The following ASTN2 variants were observed in gnomAD, a reference collection of about 807,000 sequenced individuals.
ASTN2 encodes astrotactin 2.
In ASTN2, 54 loss-of-function variants were observed where a neutral mutation model predicts 139.8. That is an observed-to-expected ratio of 0.39 (90% CI 0.31 to 0.48). The LOEUF (loss-of-function observed/expected upper bound fraction) is 0.48, where lower values mean the gene tolerates loss of function less well. Among genes scored for constraint, ASTN2 ranks in the 20% least tolerant of loss-of-function variants. The pLI, the probability that ASTN2 is intolerant of heterozygous loss-of-function variation, is 0.95. For missense variants in ASTN2, 1,565 were observed against 1,725.1 expected (o/e 0.91, Z 1.64); for synonymous variants, 756 against 719.5 (o/e 1.05, Z -0.81).
At chr9:116,636,085 G>A (rs982329484) in intron 17 of ASTN2, among the ~76,000 whole-genome samples, 1 of 152,180 alleles carries the variant, frequency 6.6e-6, no homozygotes, top group African/African-American at 2.4e-5. Flanking sequence ...TTTGCATGCT[G>A]AGACCACAAG....
chr9:117,113,652 G>C (rs547857004), intron 4 of ASTN2, among the ~76,000 whole-genome samples: 1 of 145,212 alleles, frequency 6.9e-6, no homozygotes, highest in Admixed American at 7.0e-5. Context: ...GCAAAACTTC[G>C]TCTCAAAAAA....
At chr9:117,034,250 T>C (rs769959716) in intron 6 of ASTN2, among the ~76,000 whole-genome samples, 7 of 152,204 alleles carry the variant, frequency 4.6e-5, no homozygotes, top group Non-Finnish European at 7.3e-5. Context: ...CCTCAGTAGA[T>C]GCATAAACTA....
chr9:117,347,041 T>C (rs765060263), intron 1 of ASTN2, among the ~76,000 whole-genome samples: 1 of 152,132 alleles, frequency 6.6e-6, no homozygotes, highest in African/African-American at 2.4e-5. Context: ...ATCCTGCTGC[T>C]TCTGCGGTGT....
chr9:116,749,490 A>C (rs186564742), intron 13 of ASTN2, among the ~76,000 whole-genome samples: 95 of 152,288 alleles, frequency 6.2e-4, no homozygotes, highest in African/African-American at 2.2e-3. Context: ...TAACTACAGA[A>C]CTTACCCACA....
chr9:117,370,627 T>G (rs535705603), intron 1 of ASTN2, among the ~76,000 whole-genome samples: 8 of 152,302 alleles, frequency 5.3e-5, no homozygotes, highest in Admixed American at 3.3e-4. Context: ...GTCAGAGTAA[T>G]TAAGTAATCT....
chr9:116,749,656 C>T (rs1037298282), intron 13 of ASTN2, among the ~76,000 whole-genome samples: 5 of 152,154 alleles, frequency 3.3e-5, no homozygotes, highest in Non-Finnish European at 7.3e-5. Flanking sequence ...GGATGTTTAT[C>T]CCCTCCAAAT....
intron 19 of ASTN2, among the ~76,000 whole-genome samples, chr9:116,534,183 T>C (rs1213716335): frequency 1.3e-5 from 2 of 152,206 alleles, no homozygotes; most frequent in Non-Finnish European, 2.9e-5. Flanking sequence ...TGGTAGTTTG[T>C]ATTTCTGTGG....
At chr9:116,989,147 C>T (rs780003931) in intron 7 of ASTN2, among the ~76,000 whole-genome samples, 1 of 151,480 alleles carries the variant, frequency 6.6e-6, no homozygotes, top group Non-Finnish European at 1.5e-5. Context: ...TTTTTTTTTC[C>T]AAGCAGCAGC....
At chr9:117,344,196 C>T (rs1829147013) in intron 1 of ASTN2, among the ~76,000 whole-genome samples, 2 of 151,996 alleles carry the variant, frequency 1.3e-5, no homozygotes, top group African/African-American at 4.8e-5. Flanking sequence ...AAAAAAAAAC[C>T]CATCCCCAAA....
intron 3 of ASTN2, among the ~76,000 whole-genome samples, chr9:117,177,684 C>G (rs1830951300): frequency 6.6e-6 from 1 of 152,168 alleles, no homozygotes; most frequent in African/African-American, 2.4e-5. Context: ...CATGGGGCAT[C>G]CTTAATTTGG....
At chr9:117,062,560 G>A (rs1227680796) in intron 5 of ASTN2, among the ~76,000 whole-genome samples, 1 of 152,104 alleles carries the variant, frequency 6.6e-6, no homozygotes, top group African/African-American at 2.4e-5. Flanking sequence ...CCTGCAGATG[G>A]AGAATCAGAG....
chr9:117,191,191 G>A (rs1588058177), intron 3 of ASTN2, among the ~76,000 whole-genome samples: 1 of 105,716 alleles, frequency 9.5e-6, no homozygotes. Context: ...ATGAATTTAA[G>A]ACTAAAAATG....
intron 3 of ASTN2, among the ~76,000 whole-genome samples, chr9:117,161,270 T>C (rs958451921): frequency 2.6e-5 from 4 of 152,024 alleles, no homozygotes; most frequent in African/African-American, 9.7e-5. Flanking sequence ...AAAATAACTC[T>C]TGTGAAAGTA....
In ASTN2 at chr9:117,032,385, T is replaced by C. The variant is rs1838272041; in HGVS notation, c.1423+7434A>G. ...AAAGAAAAAGACAGAAGCCATATTGTACAGAACTTCCACCCATAAGCATGT... is the reference window on the plus strand; with the variant it reads ...AAAGAAAAAGACAGAAGCCATATTGCACAGAACTTCCACCCATAAGCATGT... On this transcript the variant is annotated intron_variant, in intron 6 of 22. Coordinates refer to ENST00000313400, the MANE Select transcript of ASTN2 (RefSeq NM_001365068.1). Among the ~76,000 whole-genome samples, 3 of 152,262 alleles carry C rather than the reference T, an allele frequency of 2.0e-5. No individual in the cohort carries two copies. The South Asian group carries it at 6.2e-4, about 32-fold the overall frequency.
chr9:116,872,085 T>TA (rs764994162), intron 10 of ASTN2, among the ~76,000 whole-genome samples: 2 of 152,202 alleles, frequency 1.3e-5, no homozygotes, highest in African/African-American at 2.4e-5. Context: ...TGCCTCATCA[T>TA]TCCAAGTAGC....
chr9:117,351,201 G>T (rs1564160661), intron 1 of ASTN2, among the ~76,000 whole-genome samples: 2 of 152,114 alleles, frequency 1.3e-5, no homozygotes, highest in Admixed American at 1.3e-4. Context: ...GAATTGGTAG[G>T]ATTAAGGAAA....
At chr9:117,179,234 A>G (rs1830994827) in intron 3 of ASTN2, among the ~76,000 whole-genome samples, 1 of 152,238 alleles carries the variant, frequency 6.6e-6, no homozygotes, top group Non-Finnish European at 1.5e-5. Context: ...GGACAAGACT[A>G]TATATGTACA....
chr9:116,947,372 C>T (rs955606951), intron 10 of ASTN2, among the ~76,000 whole-genome samples: 5 of 152,136 alleles, frequency 3.3e-5, no homozygotes, highest in Non-Finnish European at 7.3e-5. Context: ...TGGGAAGATG[C>T]TTTTTGCTTC....
At chr9:117,297,715 A>T (rs1834771167) in intron 1 of ASTN2, among the ~76,000 whole-genome samples, 1 of 152,216 alleles carries the variant, frequency 6.6e-6, no homozygotes, top group Non-Finnish European at 1.5e-5. Context: ...AACCCTAAAA[A>T]TGCCATAGCT....
Sources: allele counts gnomAD v4.1 joint callset (sites outside exome capture counted in the v4.1 genomes callset), GRCh38; gene constraint gnomAD v4.1.1; transcripts MANE v1.5; gene names NCBI Gene and HGNC (gene_info 2026-07-23, HGNC 2026-07-21).